The following AHCYL2 variants were observed in gnomAD, a reference collection of about 807,000 sequenced individuals.
AHCYL2 encodes the protein adenosylhomocysteinase like 2.
Under a neutral mutation model 81.4 loss-of-function variants are expected in AHCYL2, and 28 were observed. That is an observed-to-expected ratio of 0.34 (90% confidence interval 0.25 to 0.47). The LOEUF is 0.47. Ranked by LOEUF, AHCYL2 falls within the 20% of genes least tolerant of loss-of-function variation. AHCYL2 has a pLI of 1.00. For synonymous variants in AHCYL2, 272 were observed against 290.2 expected (o/e 0.94, Z 0.64); for missense variants, 551 against 785.1 (o/e 0.70, Z 3.56).
At chr7:129,230,136 G>T (rs1239580018) in intron 1 of AHCYL2, among the ~76,000 whole-genome samples, 1 of 143,734 alleles carries the variant, frequency 7.0e-6, no homozygotes, top group Non-Finnish European at 1.5e-5. Flanking sequence ...CCAAGCTGGA[G>T]TGCAGTGGCG....
intron 11 of AHCYL2, among the ~76,000 whole-genome samples, chr7:129,412,419 T>C (rs2150951331): frequency 6.6e-6 from 1 of 151,912 alleles, no homozygotes; most frequent in South Asian, 2.1e-4. Context: ...TAGCTGGGAC[T>C]ACAGGCGCAC....
At chr7:129,349,778 C>T (rs529195943) in intron 1 of AHCYL2, among the ~76,000 whole-genome samples, 18 of 152,096 alleles carry the variant, frequency 1.2e-4, no homozygotes, top group East Asian at 5.8e-4. Flanking sequence ...CCCTGGTAGT[C>T]CTGTTGACAT....
chr7:129,326,913 C>G (rs1798246433), intron 1 of AHCYL2, among the ~76,000 whole-genome samples: 2 of 152,090 alleles, frequency 1.3e-5, no homozygotes, highest in African/African-American at 2.4e-5. Flanking sequence ...TTCTAAGTGC[C>G]ATGATAAGCC....
At chr7:129,287,707 C>T (rs1796684612) in intron 1 of AHCYL2, among the ~76,000 whole-genome samples, 1 of 152,186 alleles carries the variant, frequency 6.6e-6, no homozygotes, top group African/African-American at 2.4e-5. Flanking sequence ...TCTAATCCAA[C>T]CCTTAAGCTT....
chr7:129,302,928 T>G (rs1006517392), intron 1 of AHCYL2, among the ~76,000 whole-genome samples: 4 of 152,034 alleles, frequency 2.6e-5, no homozygotes, highest in Non-Finnish European at 5.9e-5. Flanking sequence ...GTAAGATTGG[T>G]GTTAGTTCTT....
At chr7:129,296,873 A>G (rs1797065888) in intron 1 of AHCYL2, among the ~76,000 whole-genome samples, 1 of 152,230 alleles carries the variant, frequency 6.6e-6, no homozygotes, top group South Asian at 2.1e-4. Flanking sequence ...ACATTCTGAT[A>G]CTAGGTAGTT....
intron 1 of AHCYL2, among the ~76,000 whole-genome samples, chr7:129,251,112 C>T (rs1019390264): frequency 6.6e-6 from 1 of 152,136 alleles, no homozygotes; most frequent in African/African-American, 2.4e-5. Context: ...ATTTTACAGT[C>T]CAAACCTGTT....
In AHCYL2 at chr7:129,265,183, T is replaced by C. The variant is rs140844796; in HGVS notation, c.363+39744T>C. On this transcript the variant is annotated intron_variant, in intron 1 of 16. Coordinates refer to ENST00000325006, the MANE Select transcript of AHCYL2 (RefSeq NM_015328.4). ...ATTTTTCTCTCCATTGTTCTTAGTA[T>C]GCTGCTTCCATCATTAGGGATGCTT... Among the ~76,000 whole-genome samples the C allele has an allele frequency of 4.3e-4, 65 of 152,356 alleles. No individual in the cohort carries two copies. In the East Asian group the frequency reaches 0.012, roughly 28 times the overall value.
At chr7:129,260,244 C>T (rs1210189133) in intron 1 of AHCYL2, among the ~76,000 whole-genome samples, 1 of 152,150 alleles carries the variant, frequency 6.6e-6, no homozygotes, top group Non-Finnish European at 1.5e-5. Flanking sequence ...ACAACAGATA[C>T]TCTTGTATAA....
At chr7:129,378,413 A>G (rs1039048708) in intron 1 of AHCYL2, among the ~76,000 whole-genome samples, 10 of 152,242 alleles carry the variant, frequency 6.6e-5, no homozygotes, top group South Asian at 2.1e-4. Context: ...TTACGAGAGC[A>G]TTGAACCGTA....
chr7:129,280,135 G>A (rs559951073), intron 1 of AHCYL2, among the ~76,000 whole-genome samples: 1 of 146,152 alleles, frequency 6.8e-6, no homozygotes, highest in South Asian at 2.2e-4. Flanking sequence ...AATATCAATT[G>A]ACTTTTATAA....
chr7:129,359,271 A>T (rs1405112893), intron 1 of AHCYL2, among the ~76,000 whole-genome samples: 1 of 152,232 alleles, frequency 6.6e-6, no homozygotes, highest in East Asian at 1.9e-4. Context: ...TGATGTTTAT[A>T]TCAGGTTCAA....
chr7:129,357,667 G>A (rs913798139), intron 1 of AHCYL2, among the ~76,000 whole-genome samples: 3 of 152,206 alleles, frequency 2.0e-5, no homozygotes, highest in African/African-American at 7.2e-5. Flanking sequence ...GGGCGCAGTG[G>A]CTCACGCCTG....
rs1312377362 is a variant in AHCYL2, at chr7:129,276,115, CT to C, written c.363+50678del. Among the ~76,000 whole-genome samples, 5 of 151,918 alleles carry C rather than the reference CT, an allele frequency of 3.3e-5. No individual in the cohort carries two copies. The East Asian group carries it at 9.6e-4, about 29-fold the overall frequency. On this transcript the variant is annotated intron_variant, in intron 1 of 16. Transcript: ENST00000325006. ...ATATATTTGGAAATTTAAAAGCATA[CT>C]TCTAAGTAACTCATAGATCAAAGAA...
chr7:129,278,763 CTTTT>C (rs36037913), intron 1 of AHCYL2, among the ~76,000 whole-genome samples: 38 of 111,384 alleles, frequency 3.4e-4, no homozygotes, highest in African/African-American at 1.3e-3. Context: ...TATTGAAGCT[CTTTT>C]TTTTTTTTTT....
At chr7:129,245,212 A>T (rs192390210) in intron 1 of AHCYL2, among the ~76,000 whole-genome samples, 90 of 152,024 alleles carry the variant, frequency 5.9e-4, no homozygotes, top group African/African-American at 2.1e-3. Context: ...TTTAGTAGAG[A>T]TGGGGTTTCA....
chr7:129,375,897 G>T, intron 1 of AHCYL2: 1 of 1,536,114 alleles, frequency 6.5e-7, no homozygotes, highest in South Asian at 1.2e-5. Flanking sequence ...GAAATACATT[G>T]TTAATGGCAA....
intron 5 of AHCYL2, among the ~76,000 whole-genome samples, chr7:129,399,173 G>C (rs1313442708): frequency 7.2e-6 from 1 of 139,728 alleles, no homozygotes; most frequent in Non-Finnish European, 1.5e-5. Flanking sequence ...AAGAGGCCAG[G>C]CGCGGTGGCT....
At chr7:129,239,774 A>G (rs1385690705) in intron 1 of AHCYL2, among the ~76,000 whole-genome samples, 2 of 151,208 alleles carry the variant, frequency 1.3e-5, no homozygotes, top group Non-Finnish European at 3.0e-5. Flanking sequence ...AGATATATAG[A>G]GACAGACACA....
Sources: allele counts gnomAD v4.1 joint callset (sites outside exome capture counted in the v4.1 genomes callset), GRCh38; gene constraint gnomAD v4.1.1; transcripts MANE v1.5; gene names NCBI Gene and HGNC (gene_info 2026-07-23, HGNC 2026-07-21).